ANKAR: variants seen among roughly 807,000 people sequenced by gnomAD.
ANKAR encodes the protein ankyrin and armadillo repeat containing.
ANKAR carries 136 observed loss-of-function variants against 146.2 expected under a neutral mutation model. The observed-to-expected ratio is 0.93, with a 90% CI of 0.81 to 1.07. The LOEUF is 1.07. Among genes scored for constraint, ANKAR ranks in the 50% least tolerant of loss-of-function variants. The pLI, the probability that ANKAR is intolerant of heterozygous loss-of-function variation, is 0.00. For missense variants in ANKAR, 1,567 were observed against 1,679.9 expected (o/e 0.93, Z 1.18); for synonymous variants, 500 against 575.8 (o/e 0.87, Z 1.88).
downstream of ANKAR, chr2:189,762,764 A>G (rs2047317562): frequency 1.0e-6 from 1 of 985,454 alleles, no homozygotes; most frequent in Non-Finnish European, 1.2e-6. Flanking sequence ...GCTGCAGGAG[A>G]AAGCCCGAAC....
downstream of ANKAR, among the ~76,000 whole-genome samples, chr2:189,751,450 T>TC (rs1362954681): frequency 6.6e-6 from 1 of 150,574 alleles, no homozygotes; most frequent in African/African-American, 2.5e-5. Context: ...TTGTGTTTTT[T>TC]TTTTTTTTTT....
In ANKAR at chr2:189,694,973, T is replaced by G; in HGVS notation, c.1308-8T>G. The G allele has an allele frequency of 7.0e-7, 1 of 1,428,316 alleles. No individual in the cohort carries two copies. The highest frequency in any genetic ancestry group is 9.3e-7 in the Non-Finnish European group (1 of 1,079,290). 88.5% of individuals were successfully genotyped at this position (1,428,316 alleles called of 1,614,324 possible). On this transcript the variant is annotated splice_polypyrimidine_tract_variant and splice_region_variant and intron_variant, in intron 5 of 22. Transcript: ENST00000684021. ...GAGAAACATCTTTTTTTTCTTTATTTTTTATAGCTACTATGTGATCTATTT... is the reference window on the plus strand; with the variant it reads ...GAGAAACATCTTTTTTTTCTTTATTGTTTATAGCTACTATGTGATCTATTT...
intron 10 of ANKAR, among the ~76,000 whole-genome samples, chr2:189,716,192 A>G (rs2040438464): frequency 1.3e-5 from 2 of 152,220 alleles, no homozygotes; most frequent in Non-Finnish European, 2.9e-5. Flanking sequence ...AGAAAACCCC[A>G]CTGTCTCAGT....
In ANKAR at chr2:189,741,458, A is replaced by G. The variant is rs753394998; in HGVS notation, c.3810+7A>G. 9 of 1,570,672 alleles carry G rather than the reference A, an allele frequency of 5.7e-6. No individual in the cohort carries two copies. In the African/African-American group the frequency reaches 1.2e-4, roughly 21 times the overall value. On this transcript the variant is annotated splice_region_variant and intron_variant, in intron 20 of 22. Coordinates refer to ENST00000684021, the MANE Select transcript of ANKAR (RefSeq NM_001378068.1). ...GTACTCGGGAATAGAAGAGGTAAAA[A>G]CAAGCAAAAACTAATTCTAAAATTA...
chr2:189,694,939 T>C (rs1254939962), intron 5 of ANKAR, 42 bp from the exon 6 acceptor site: 5 of 1,297,788 alleles, frequency 3.9e-6, no homozygotes, highest in Non-Finnish European at 4.0e-6. Context: ...GCAAATCACT[T>C]CAAAGTTAGA....
intron 18 of ANKAR, among the ~76,000 whole-genome samples, chr2:189,755,806 A>C (rs1289744288): frequency 6.6e-6 from 1 of 152,188 alleles, no homozygotes; most frequent in Non-Finnish European, 1.5e-5. Flanking sequence ...TTTGTTGACA[A>C]ATGAAATCAC....
chr2:189,709,680 T>C (rs569531084), intron 9 of ANKAR, among the ~76,000 whole-genome samples: 9 of 152,300 alleles, frequency 5.9e-5, no homozygotes, highest in South Asian at 2.1e-4. Flanking sequence ...ATACCTGACG[T>C]TGGAATTTAC....
At chr2:189,686,975 A>G (rs911481174) in intron 2 of ANKAR, among the ~76,000 whole-genome samples, 3 of 152,172 alleles carry the variant, frequency 2.0e-5, no homozygotes, top group Admixed American at 6.5e-5. Flanking sequence ...GTTACAGACA[A>G]TCCAATTATA....
chr2:189,709,140 T>TA (rs995492237), intron 9 of ANKAR, among the ~76,000 whole-genome samples: 17 of 150,336 alleles, frequency 1.1e-4, no homozygotes, highest in Admixed American at 2.6e-4. Flanking sequence ...ATTACCTGTT[T>TA]AAAAAAAAAG....
chr2:189,761,593 T>C, downstream of ANKAR: 2 of 1,609,084 alleles, frequency 1.2e-6, no homozygotes. Flanking sequence ...AAACTTTCCT[T>C]TTTGATGGTT....
intron 2 of ANKAR, among the ~76,000 whole-genome samples, chr2:189,685,199 ATGT>A (rs1442714269): frequency 6.6e-6 from 1 of 150,450 alleles, no homozygotes; most frequent in Non-Finnish European, 1.5e-5. Context: ...TTTTTGTAGA[ATGT>A]TGTCCCGGCT....
chr2:189,742,880 ACACACACACACACT>A (rs1169070145), intron 20 of ANKAR, among the ~76,000 whole-genome samples: 21 of 129,452 alleles, frequency 1.6e-4, no homozygotes, highest in Admixed American at 1.4e-3. Flanking sequence ...ACACACACAC[ACACACACACACACT>A]AGAATTACCT....
chr2:189,750,988 A>G (rs186866835), downstream of ANKAR, among the ~76,000 whole-genome samples: 105 of 152,342 alleles, frequency 6.9e-4, no homozygotes, highest in African/African-American at 2.5e-3. Flanking sequence ...AAAGGTAAAA[A>G]CATTTTTGCC....
intron 10 of ANKAR, among the ~76,000 whole-genome samples, chr2:189,714,835 A>AC (rs1433998021): frequency 2.0e-5 from 3 of 151,350 alleles, no homozygotes; most frequent in Non-Finnish European, 2.9e-5. Context: ...AGTCCCGGCT[A>AC]CTTGGGAGGC....
intron 5 of ANKAR, among the ~76,000 whole-genome samples, chr2:189,693,594 C>T (rs1487166415): frequency 6.6e-6 from 1 of 152,022 alleles, no homozygotes; most frequent in Non-Finnish European, 1.5e-5. Context: ...GGAAGTTTTG[C>T]TTGTTGGTTC....
intron 2 of ANKAR, among the ~76,000 whole-genome samples, chr2:189,687,793 A>G (rs774804064): frequency 2.6e-5 from 4 of 152,136 alleles, no homozygotes; most frequent in Non-Finnish European, 5.9e-5. Flanking sequence ...TCTTTTGCCT[A>G]TTTTTAAATC....
chr2:189,750,624 A>T (rs764204424), downstream of ANKAR: 1 of 1,592,088 alleles, frequency 6.3e-7, no homozygotes, highest in East Asian at 2.3e-5. Flanking sequence ...AGCTTCTCCA[A>T]CTTCTTTTGA....
At chr2:189,691,317 G>C (rs1474251480) in intron 3 of ANKAR, among the ~76,000 whole-genome samples, 29 of 152,200 alleles carry the variant, frequency 1.9e-4, no homozygotes, top group Non-Finnish European at 1.5e-5. Flanking sequence ...CGGCCTCCCA[G>C]AGTGCTGGGA....
intron 18 of ANKAR, chr2:189,754,357 A>G (rs1471233502): frequency 6.3e-7 from 1 of 1,583,322 alleles, no homozygotes; most frequent in Non-Finnish European, 8.6e-7. Flanking sequence ...TATCAAAGAA[A>G]CATATTTTTT....
Sources: gnomAD v4.1 joint callset for allele counts (sites outside exome capture counted in the v4.1 genomes callset) on GRCh38, gnomAD v4.1.1 for gene constraint, MANE v1.5 for transcripts, NCBI Gene and HGNC (gene_info 2026-07-23, HGNC 2026-07-21) for gene names.